TRIM62: variants seen among roughly 807,000 people sequenced by gnomAD.
The protein encoded by TRIM62 is tripartite motif containing 62.
TRIM62 carries 39 observed loss-of-function variants against 44.2 expected under a neutral mutation model. That is an observed-to-expected ratio of 0.88 (90% CI 0.68 to 1.15). TRIM62 has a LOEUF of 1.15. TRIM62 is among the 50% of genes most tolerant of loss of function. TRIM62 has a pLI of 0.00. For synonymous variants in TRIM62, 278 were observed against 292.3 expected (o/e 0.95, Z 0.50); for missense variants, 544 against 665.5 (o/e 0.82, Z 2.01).
At chr1:33,178,618 A>G (rs1394725159) in intron 1 of TRIM62, among the ~76,000 whole-genome samples, 5 of 152,204 alleles carry the variant, frequency 3.3e-5, no homozygotes, top group Admixed American at 3.3e-4. Flanking sequence ...GGTCAGCTTC[A>G]CAAAAGTCCT....
chr1:33,157,858 G>A (rs1190812228), intron 4 of TRIM62, among the ~76,000 whole-genome samples: 1 of 152,016 alleles, frequency 6.6e-6, no homozygotes, highest in Non-Finnish European at 1.5e-5. Context: ...CTGGGTTCAA[G>A]CAATTCTCCT....
intron 4 of TRIM62, among the ~76,000 whole-genome samples, chr1:33,154,258 C>T (rs1307811543): frequency 1.3e-5 from 2 of 150,928 alleles, no homozygotes; most frequent in Non-Finnish European, 3.0e-5. Flanking sequence ...AAAGTGCATC[C>T]AAGGCTCCGA....
Position 33,181,585 on chromosome 1 carries a change from G to A in TRIM62, c.-153C>T, listed in dbSNP as rs1645465051. 1.5e-6 allele frequency: 2 copies of A among 1,346,296 alleles called. No individual in the cohort carries two copies. Among genetic ancestry groups the A allele is most frequent in the Admixed American group, 3.2e-5 (1 of 31,312 alleles). The allele number at this position is 1,346,296 out of a possible 1,614,324, so 83.4% of individuals were successfully genotyped here. On this transcript the variant is annotated 5_prime_UTR_variant, in exon 1 of 5. Coordinates refer to ENST00000291416, the MANE Select transcript of TRIM62 (RefSeq NM_018207.3). The surrounding 1 kb of genome is among the most constrained non-coding windows in gnomAD (Gnocchi z 6.5). Reference sequence around the variant, plus strand: ...CCGGAGAAGGGAGGGGGTGCTGTCCGGAAGGAGGGTAACGCGAGGAAGGGG... The same window carrying A: ...CCGGAGAAGGGAGGGGGTGCTGTCCAGAAGGAGGGTAACGCGAGGAAGGGG...
chr1:33,147,705 G>T lies in TRIM62; in HGVS notation c.900C>A (p.Asp300Glu). 6.2e-7 allele frequency: 1 copy of T among 1,612,788 alleles called. No individual in the cohort carries two copies. Among genetic ancestry groups the T allele is most frequent in the Non-Finnish European group, 8.5e-7 (1 of 1,179,334 alleles). Residue 300 changes from aspartate to glutamate, a missense_variant, in exon 5 of 5, where the codon GAC (aspartate) becomes GAA (glutamate). By Grantham distance (45) the Asp-to-Glu change is conservative. Coordinates refer to ENST00000291416, the MANE Select transcript of TRIM62 (RefSeq NM_018207.3). This position sits in a 1 kb window ranked among gnomAD's most constrained non-coding sequence, Gnocchi z 8.1. Reference protein sequence around the residue: ...IHPVPAALTLDPGTAHQRLIL... With the variant: ...IHPVPAALTLEPGTAHQRLIL... ...TCAGGCGCTGGTGGGCTGTGCCCGG[G>T]TCCAGGGTTAGGGCGGCTGGCACTG... is the stretch of plus-strand genomic sequence containing the variant.
chr1:33,147,336 G>C lies in TRIM62; in HGVS notation c.1269C>G (p.Asp423Glu), dbSNP rs770155503. ...CATTGTAGAAGATGAGCAAGCCTTG[G>C]TCATAGTCCAGGAAGACACCCACCT... ...LDKVGVFLDYDQGLLIFYNAD... is the reference protein window; with the variant it reads ...LDKVGVFLDYEQGLLIFYNAD... The change falls in exon 5 of 5, where the codon GAC (aspartate) becomes GAG (glutamate). Residue 423 changes from aspartate to glutamate, a missense_variant. Physicochemically the swap from Asp to Glu is conservative, Grantham distance 45. Coordinates refer to ENST00000291416, the MANE Select transcript of TRIM62 (RefSeq NM_018207.3). This position sits in a 1 kb window ranked among gnomAD's most constrained non-coding sequence, Gnocchi z 8.1. 1 of 1,614,218 alleles carries C rather than the reference G, an allele frequency of 6.2e-7. No homozygotes were observed. The highest frequency in any genetic ancestry group is 1.3e-5 in the African/African-American group (1 of 75,064).
chr1:33,181,417 TGA>T lies in TRIM62; in HGVS notation c.14_15del (p.Leu5GlnfsTer186). On this transcript the variant is annotated frameshift_variant, in exon 1 of 5. Coordinates refer to ENST00000291416, the MANE Select transcript of TRIM62 (RefSeq NM_018207.3). LOFTEE classifies it high-confidence loss of function. The surrounding 1 kb of genome is among the most constrained non-coding windows in gnomAD (Gnocchi z 6.5). ...CAGATGGAGCACAGCAGCTCGTCCT[TGA>T]GGCTGCACGCCATGGCGCCAGGGGC... MACS[L>X]KDELLCSICL... 1 of 1,598,960 alleles carries T rather than the reference TGA, an allele frequency of 6.3e-7. No homozygotes were observed. Among genetic ancestry groups the T allele is most frequent in the Non-Finnish European group, 8.5e-7 (1 of 1,176,306 alleles).
At chr1:33,152,732 C>T (rs1645118873) in intron 4 of TRIM62, among the ~76,000 whole-genome samples, 1 of 152,146 alleles carries the variant, frequency 6.6e-6, no homozygotes, top group Admixed American at 6.5e-5. Context: ...TGCAACTATC[C>T]TTGTTTTACA....
intron 1 of TRIM62, among the ~76,000 whole-genome samples, chr1:33,167,000 C>T (rs907916282): frequency 6.6e-6 from 1 of 152,234 alleles, no homozygotes; most frequent in Non-Finnish European, 1.5e-5. Context: ...CACCCTCCCC[C>T]ATCACTCCCA....
At chr1:33,172,584 G>A (rs1302723047) in intron 1 of TRIM62, among the ~76,000 whole-genome samples, 2 of 152,104 alleles carry the variant, frequency 1.3e-5, no homozygotes, top group Non-Finnish European at 2.9e-5. Context: ...GAGTGGGGAG[G>A]ACACACCTCA....
In TRIM62 at chr1:33,167,502, T is replaced by C. The variant is rs1208112211; in HGVS notation, c.409-1936A>G. ...CAGTTGTTCTCCTGTCTGTCTCTTC[T>C]TCGTCCCCGTATTGGCCCACAAGTC... On this transcript the variant is annotated intron_variant, in intron 1 of 4. Coordinates refer to ENST00000291416, the MANE Select transcript of TRIM62 (RefSeq NM_018207.3). The surrounding 1 kb of genome is among the most constrained non-coding windows in gnomAD (Gnocchi z 4.2). Among the ~76,000 whole-genome samples, 1 of 152,210 alleles carries C rather than the reference T, an allele frequency of 6.6e-6. No homozygotes were observed. The highest frequency in any genetic ancestry group is 2.4e-5 in the African/African-American group (1 of 41,456).
chr1:33,179,065 T>C (rs1645441941), intron 1 of TRIM62, among the ~76,000 whole-genome samples: 2 of 152,240 alleles, frequency 1.3e-5, no homozygotes, highest in African/African-American at 4.8e-5. Context: ...GCAAGTCACA[T>C]AACTTCTCCA....
In TRIM62 at chr1:33,181,415, C is replaced by T. The variant is rs978557176; in HGVS notation, c.18G>A (p.Lys6=). 7 of 1,599,554 alleles carry T rather than the reference C, an allele frequency of 4.4e-6. No homozygotes were observed. The highest frequency in any genetic ancestry group is 4.2e-6 in the Non-Finnish European group (5 of 1,176,492). The change falls in exon 1 of 5, where the codon AAG becomes AAA. Residue 6 remains lysine (K), a synonymous_variant. Transcript: ENST00000291416. The surrounding 1 kb of genome is among the most constrained non-coding windows in gnomAD (Gnocchi z 6.5). MACSL[K]DELLCSICLS... is the part of the protein sequence containing the mutation. ...GGCAGATGGAGCACAGCAGCTCGTC[C>T]TTGAGGCTGCACGCCATGGCGCCAG...
At chr1:33,153,172 G>T (rs1340395804) in intron 4 of TRIM62, among the ~76,000 whole-genome samples, 1 of 152,174 alleles carries the variant, frequency 6.6e-6, no homozygotes, top group Non-Finnish European at 1.5e-5. Context: ...GAATCCATGG[G>T]CTAGGTCCCT....
At chr1:33,148,250 G>A (rs916631882) in intron 4 of TRIM62, among the ~76,000 whole-genome samples, 4 of 152,136 alleles carry the variant, frequency 2.6e-5, no homozygotes, top group African/African-American at 9.7e-5. Flanking sequence ...TGATTTTCAC[G>A]TGTCCCAGCA....
rs7417906 is a variant in TRIM62, at chr1:33,177,050, C to T, written c.408+3975G>A. 3.0e-4 allele frequency among the ~76,000 whole-genome samples: 44 copies of T among 147,098 alleles called. No homozygotes were observed. In the South Asian group the frequency reaches 6.2e-3, roughly 21 times the overall value. On this transcript the variant is annotated intron_variant, in intron 1 of 4. Coordinates refer to ENST00000291416, the MANE Select transcript of TRIM62 (RefSeq NM_018207.3). This position sits in a 1 kb window ranked among gnomAD's most constrained non-coding sequence, Gnocchi z 4.1. ...ACACACATACACATGCACACACACA[C>T]GCACACACACACACATGCACACACA...
intron 4 of TRIM62, 84 bp downstream of exon 4, chr1:33,158,169 C>A: frequency 2.3e-6 from 3 of 1,279,638 alleles, no homozygotes; most frequent in Non-Finnish European, 3.4e-6. Flanking sequence ...ACCCCAACTG[C>A]CCCATGCTGT....
Position 33,167,230 on chromosome 1 carries a change from G to A in TRIM62, c.409-1664C>T, listed in dbSNP as rs1405167571. Among the ~76,000 whole-genome samples the A allele has an allele frequency of 1.3e-5, 2 of 152,152 alleles. No individual in the cohort carries two copies. The highest frequency in any genetic ancestry group is 1.3e-4 in the Admixed American group (2 of 15,274). The stretch of plus-strand genomic sequence containing the variant: ...CCTCCTCATACCCTGTCACACATCT[G>A]GATTCACGGTCTTCCTTGCGCCTTC... On this transcript the variant is annotated intron_variant, in intron 1 of 4. Transcript: ENST00000291416. The surrounding 1 kb of genome is among the most constrained non-coding windows in gnomAD (Gnocchi z 4.2).
chr1:33,171,239 A>T (rs1418215793), intron 1 of TRIM62, among the ~76,000 whole-genome samples: 4 of 152,208 alleles, frequency 2.6e-5, no homozygotes, highest in Non-Finnish European at 4.4e-5. Flanking sequence ...ATACAGCTTA[A>T]CCCTGAGGAA....
chr1:33,176,910 C>T (rs74328621), intron 1 of TRIM62, among the ~76,000 whole-genome samples: 1 of 152,222 alleles, frequency 6.6e-6, no homozygotes, highest in Non-Finnish European at 1.5e-5. Flanking sequence ...GGCATTCAGA[C>T]TGGGCTCGAT....
Sources: gnomAD v4.1 joint callset for allele counts (sites outside exome capture counted in the v4.1 genomes callset) on GRCh38, gnomAD v4.1.1 for gene constraint, Gnocchi (gnomAD v3.1) non-coding constraint, MANE v1.5 for transcripts, NCBI Gene and HGNC (gene_info 2026-07-23, HGNC 2026-07-21) for gene names.